The following DTNB variants were observed in gnomAD, a reference collection of about 807,000 sequenced individuals.
DTNB encodes the protein DTN-B.
DTNB carries 63 observed loss-of-function variants against 90.7 expected under a neutral mutation model. The observed-to-expected ratio is 0.69, with a 90% confidence interval of 0.57 to 0.86. The LOEUF (loss-of-function observed/expected upper bound fraction) is 0.86, where lower values mean the gene tolerates loss of function less well. Among genes scored for constraint, DTNB ranks in the 40% least tolerant of loss-of-function variants. The probability of loss-of-function intolerance (pLI) is 0.00; values close to 1 mark genes in which losing one functional copy is unlikely to be tolerated. For missense variants in DTNB, 744 were observed against 807.1 expected (o/e 0.92, Z 0.95); for synonymous variants, 277 against 286.7 (o/e 0.97, Z 0.34).
intron 4 of DTNB, among the ~76,000 whole-genome samples, chr2:25,615,235 G>A (rs2069944911): frequency 6.6e-6 from 1 of 152,204 alleles, no homozygotes; most frequent in South Asian, 2.1e-4. Context: ...CCTTCCCGAG[G>A]TGTGCTACAC....
intron 9 of DTNB, 109 bp downstream of exon 9, chr2:25,531,364 C>T (rs1221004677): frequency 2.7e-6 from 4 of 1,469,560 alleles, no homozygotes; most frequent in Non-Finnish European, 3.6e-6. Context: ...AAAGTAAAAA[C>T]CTGAGAAGTT....
intron 12 of DTNB, among the ~76,000 whole-genome samples, chr2:25,437,023 T>C (rs1427572227): frequency 6.6e-6 from 1 of 152,194 alleles, no homozygotes; most frequent in Non-Finnish European, 1.5e-5. Flanking sequence ...CAAGTCATTA[T>C]CAACAGAGAT....
intron 10 of DTNB, among the ~76,000 whole-genome samples, chr2:25,459,547 G>A (rs13387987): frequency 0.29 from 44,431 of 152,060 alleles, 8,020 homozygotes; most frequent in East Asian, 0.57. Context: ...AGGCTGGAGC[G>A]CAGTGGCGTG....
chr2:25,444,886 T>C (rs1170999825), intron 12 of DTNB, among the ~76,000 whole-genome samples: 1 of 152,166 alleles, frequency 6.6e-6, no homozygotes, highest in Non-Finnish European at 1.5e-5. Context: ...AGAACTCTAG[T>C]CAAGAAGAAT....
intron 10 of DTNB, among the ~76,000 whole-genome samples, chr2:25,460,578 A>G (rs6546199): frequency 0.77 from 117,189 of 151,936 alleles, 46,012 homozygotes; most frequent in African/African-American, 0.92. Flanking sequence ...CTAGGAGAGC[A>G]TGATATCCGG....
At chr2:25,531,199 G>A (rs1286533899) in intron 9 of DTNB, among the ~76,000 whole-genome samples, 1 of 152,164 alleles carries the variant, frequency 6.6e-6, no homozygotes, top group African/African-American at 2.4e-5. Flanking sequence ...AGGCAGCCCA[G>A]CTAAAACCAG....
intron 9 of DTNB, among the ~76,000 whole-genome samples, chr2:25,486,978 TTAA>T (rs1430717367): frequency 6.6e-6 from 1 of 152,164 alleles, no homozygotes; most frequent in Non-Finnish European, 1.5e-5. Flanking sequence ...TCCTTCTTTG[TTAA>T]TAAGATATAC....
chr2:25,493,076 A>T (rs1050460572), intron 9 of DTNB, among the ~76,000 whole-genome samples: 1 of 152,194 alleles, frequency 6.6e-6, no homozygotes, highest in Non-Finnish European at 1.5e-5. Flanking sequence ...GGTTAAGATC[A>T]GTGTCCTGCA....
chr2:25,558,734 C>A (rs988838404), intron 8 of DTNB, among the ~76,000 whole-genome samples: 3 of 152,204 alleles, frequency 2.0e-5, no homozygotes, highest in African/African-American at 7.2e-5. Flanking sequence ...ATGCAAACAA[C>A]ACAGTAGAAT....
chr2:25,636,239 CTGTT>C (rs2148810330), intron 3 of DTNB, among the ~76,000 whole-genome samples: 1 of 152,220 alleles, frequency 6.6e-6, no homozygotes, highest in East Asian at 1.9e-4. Flanking sequence ...TTATTTTCTT[CTGTT>C]TATTGACCCT....
intron 10 of DTNB, among the ~76,000 whole-genome samples, chr2:25,467,429 G>A (rs1020106995): frequency 5.9e-5 from 9 of 151,578 alleles, no homozygotes; most frequent in Admixed American, 2.0e-4. Flanking sequence ...CTCTAGAGTA[G>A]CTGGGACTAC....
chr2:25,419,224 T>A, intron 16 of DTNB: 2 of 529,882 alleles, frequency 3.8e-6, no homozygotes, highest in Non-Finnish European at 6.8e-6. Context: ...CAACAGAGAA[T>A]GAAAGAGCAG....
At chr2:25,396,259 C>T (rs1355004204) in intron 16 of DTNB, among the ~76,000 whole-genome samples, 1 of 152,094 alleles carries the variant, frequency 6.6e-6, no homozygotes, top group East Asian at 1.9e-4. Flanking sequence ...GTCTGCAATC[C>T]CAGCACTTTG....
intron 6 of DTNB, among the ~76,000 whole-genome samples, chr2:25,586,833 A>T (rs1269288496): frequency 6.6e-6 from 1 of 152,236 alleles, no homozygotes; most frequent in East Asian, 1.9e-4. Context: ...AAAGACAAAA[A>T]GTTTGACTGC....
At chr2:25,451,818 A>G (rs1307449841) in intron 11 of DTNB, among the ~76,000 whole-genome samples, 183 bp from the exon 12 acceptor site, 2 of 152,218 alleles carry the variant, frequency 1.3e-5, no homozygotes, top group Non-Finnish European at 2.9e-5. Flanking sequence ...AGGAGGCCAC[A>G]TTTGTCATTC....
intron 16 of DTNB, among the ~76,000 whole-genome samples, chr2:25,416,806 A>AAGGAAGGAAGGAAGGAAGGAAGGC (rs2048065358): frequency 1.1e-5 from 1 of 93,276 alleles, no homozygotes; most frequent in East Asian, 2.3e-4. Context: ...GGAAGGAACG[A>AAGGAAGGAAGGAAGGAAGGAAGGC]AGGAAGGAAG....
At chr2:25,670,187 A>C (rs1314302671) in intron 1 of DTNB, among the ~76,000 whole-genome samples, 1 of 152,228 alleles carries the variant, frequency 6.6e-6, no homozygotes, top group African/African-American at 2.4e-5. Flanking sequence ...TGTTAGGGGA[A>C]AAAACTGCAG....
intron 6 of DTNB, among the ~76,000 whole-genome samples, chr2:25,589,367 CTTTTTT>C (rs1169808182): frequency 1.2e-3 from 71 of 57,546 alleles, no homozygotes; most frequent in African/African-American, 5.3e-3. Flanking sequence ...TTTTTCTTTT[CTTTTTT>C]TTTTTTTTTT....
chr2:25,381,644 G>C (rs955684072), intron 19 of DTNB, among the ~76,000 whole-genome samples: 1 of 152,172 alleles, frequency 6.6e-6, no homozygotes, highest in Non-Finnish European at 1.5e-5. Context: ...CTAAAGTGCT[G>C]GGATTACAGG....
Sources: gnomAD v4.1 joint callset for allele counts (sites outside exome capture counted in the v4.1 genomes callset) on GRCh38, gnomAD v4.1.1 for gene constraint, MANE v1.5 for transcripts, NCBI Gene and HGNC (gene_info 2026-07-23, HGNC 2026-07-21) for gene names.